The following INPP5A variants were observed in gnomAD, a reference collection of about 807,000 sequenced individuals.
INPP5A encodes inositol polyphosphate-5-phosphatase A.
INPP5A carries 14 observed loss-of-function variants against 65.2 expected under a neutral mutation model. The ratio of observed to expected loss-of-function variants is 0.21; its 90% CI spans 0.14 to 0.34. The LOEUF is 0.34. Among genes scored for constraint, INPP5A ranks in the 10% least tolerant of loss-of-function variants. The probability of loss-of-function intolerance (pLI) is 1.00; values close to 1 mark genes in which losing one functional copy is unlikely to be tolerated. For synonymous variants in INPP5A, 207 were observed against 208.3 expected (o/e 0.99, Z 0.05); for missense variants, 431 against 545.6 (o/e 0.79, Z 2.09).
intron 1 of INPP5A, among the ~76,000 whole-genome samples, chr10:132,604,494 C>G (rs1172052460): frequency 6.6e-6 from 1 of 152,226 alleles, no homozygotes; most frequent in Non-Finnish European, 1.5e-5. Context: ...CTCTTCCCCC[C>G]GTTTGTTATT....
At chr10:132,568,753 G>T (rs796250871) in intron 1 of INPP5A, among the ~76,000 whole-genome samples, 3 of 150,750 alleles carry the variant, frequency 2.0e-5, no homozygotes, top group African/African-American at 7.4e-5. Context: ...GTGAAACTCT[G>T]TCTCAAACAA....
At chr10:132,605,045 A>G (rs913988731) in intron 1 of INPP5A, among the ~76,000 whole-genome samples, 3 of 151,776 alleles carry the variant, frequency 2.0e-5, no homozygotes, top group Admixed American at 2.0e-4. Context: ...TCTGAGAATC[A>G]CCCTGGCTGC....
Position 132,546,127 on chromosome 10 carries a change from T to C in INPP5A, c.75+7956T>C, listed in dbSNP as rs370720732. The stretch of plus-strand genomic sequence containing the variant: ...TTGGCCGTGTCACGCCATGTGCTCA[T>C]GTGACCGAGGACGCTTCCGAGGATG... On this transcript the variant is annotated intron_variant, in intron 1 of 15. Coordinates refer to ENST00000368594, the MANE Select transcript of INPP5A (RefSeq NM_005539.5). The surrounding 1 kb of genome is among the most constrained non-coding windows in gnomAD (Gnocchi z 5.7). Among the ~76,000 whole-genome samples, 96 of 152,312 alleles carry C rather than the reference T, an allele frequency of 6.3e-4. No homozygotes were observed. Among genetic ancestry groups the C allele is most frequent in the African/African-American group, 2.1e-3 (88 of 41,570 alleles).
intron 11 of INPP5A, among the ~76,000 whole-genome samples, chr10:132,750,962 G>T (rs1024376644): frequency 6.6e-6 from 1 of 152,216 alleles, no homozygotes; most frequent in Non-Finnish European, 1.5e-5. Context: ...GTTTCCCCTC[G>T]TGGGGTTTGG....
intron 8 of INPP5A, among the ~76,000 whole-genome samples, chr10:132,712,855 G>C (rs2134539129): frequency 6.7e-6 from 1 of 149,538 alleles, no homozygotes; most frequent in South Asian, 2.1e-4. Flanking sequence ...GGCTTGTGTG[G>C]GGGTACGTGT....
rs760075203 is a variant in INPP5A, at chr10:132,645,984, G to T, written c.218+16G>T. 1.3e-6 allele frequency: 2 copies of T among 1,572,356 alleles called. No individual in the cohort carries two copies. Among genetic ancestry groups the T allele is most frequent in the South Asian group, 2.2e-5 (2 of 89,694 alleles). On this transcript the variant is annotated intron_variant, in intron 3 of 15. Transcript: ENST00000368594. ...AGTTCGTCAAGTAAGTCTAGGGGCA[G>T]GTGCTGGTGCATGTCCACTTCCCAG...
chr10:132,611,800 G>T (rs2071956418), intron 2 of INPP5A, among the ~76,000 whole-genome samples: 2 of 147,166 alleles, frequency 1.4e-5, no homozygotes, highest in South Asian at 4.5e-4. Flanking sequence ...CAGGGGAAAG[G>T]CTCCATCAGA....
At chr10:132,766,122 G>T (rs1846839790) in intron 12 of INPP5A, among the ~76,000 whole-genome samples, 1 of 150,496 alleles carries the variant, frequency 6.6e-6, no homozygotes, top group Non-Finnish European at 1.5e-5. Context: ...GTGTGCACCT[G>T]TGCATCTGTG....
chr10:132,688,644 A>T (rs1260492083), intron 4 of INPP5A, among the ~76,000 whole-genome samples: 2 of 150,616 alleles, frequency 1.3e-5, no homozygotes, highest in Non-Finnish European at 3.0e-5. Context: ...CGTGTGCATG[A>T]GTGTGTGTGC....
chr10:132,618,807 G>A (rs1457068158), intron 2 of INPP5A, among the ~76,000 whole-genome samples: 1 of 152,178 alleles, frequency 6.6e-6, no homozygotes, highest in Non-Finnish European at 1.5e-5. Flanking sequence ...GAGTGGGGAT[G>A]AAGTGCACAC....
intron 12 of INPP5A, among the ~76,000 whole-genome samples, chr10:132,776,122 C>T (rs1847059352): frequency 6.6e-6 from 1 of 152,186 alleles, no homozygotes; most frequent in Non-Finnish European, 1.5e-5. Context: ...CCCAGCCTCT[C>T]AAACATGTGA....
chr10:132,738,641 G>A (rs566535474), intron 9 of INPP5A, among the ~76,000 whole-genome samples: 32 of 152,386 alleles, frequency 2.1e-4, no homozygotes, highest in African/African-American at 6.5e-4. Context: ...GAGAGCAAGT[G>A]GGCGCCACTC....
At position 132,569,000 on chromosome 10, in the gene INPP5A, C is replaced by G. The variant is rs2071306150; in HGVS notation, c.75+30829C>G. On this transcript the variant is annotated intron_variant, in intron 1 of 15. Transcript: ENST00000368594. ...GCACGATCTCGGCTCACCACAACCTCCGCCTCTTGGATTCGAGCGATTCTC... is the reference window on the plus strand; with the variant it reads ...GCACGATCTCGGCTCACCACAACCTGCGCCTCTTGGATTCGAGCGATTCTC... Among the ~76,000 whole-genome samples the G allele has an allele frequency of 1.3e-5, 2 of 150,896 alleles. 1 individual carries two copies. Among genetic ancestry groups the G allele is most frequent in the African/African-American group, 4.9e-5 (2 of 40,960 alleles).
intron 8 of INPP5A, among the ~76,000 whole-genome samples, chr10:132,712,276 ACACATG>A (rs762626340): frequency 2.0e-5 from 3 of 151,994 alleles, no homozygotes; most frequent in Non-Finnish European, 2.9e-5. Flanking sequence ...GTGTGTGTGC[ACACATG>A]CACATGCATG....
intron 1 of INPP5A, among the ~76,000 whole-genome samples, chr10:132,585,005 C>T (rs904593164): frequency 3.3e-5 from 5 of 152,196 alleles, no homozygotes; most frequent in African/African-American, 1.2e-4. Context: ...TTCTTGGTGA[C>T]ATGGAACAGT....
At chr10:132,581,598 G>A (rs2071484450) in intron 1 of INPP5A, among the ~76,000 whole-genome samples, 1 of 152,146 alleles carries the variant, frequency 6.6e-6, no homozygotes, top group Non-Finnish European at 1.5e-5. Flanking sequence ...TGTGCAGTGG[G>A]ACCTCACTGT....
In INPP5A at chr10:132,698,827, G is replaced by A. The variant is rs569949649; in HGVS notation, c.474+908G>A. On this transcript the variant is annotated intron_variant, in intron 6 of 15. Transcript: ENST00000368594. The surrounding 1 kb of genome is among the most constrained non-coding windows in gnomAD (Gnocchi z 5.5). ...CTGCGGTCCTGTCTCCACGAGAGCT[G>A]TGCAGGCTGAGGCTGCTACGGAGCT... Among the ~76,000 whole-genome samples the A allele has an allele frequency of 4.1e-4, 62 of 152,354 alleles. 1 individual carries two copies. The highest frequency in any genetic ancestry group is 2.3e-3 in the East Asian group (12 of 5,182).
At chr10:132,730,899 G>A (rs1338863108) in intron 9 of INPP5A, among the ~76,000 whole-genome samples, 2 of 152,178 alleles carry the variant, frequency 1.3e-5, no homozygotes, top group Non-Finnish European at 1.5e-5. Context: ...ATTCAGATCT[G>A]ATAATTCAGA....
rs1043801783 is a variant in INPP5A, at chr10:132,644,475, C to T, written c.118-1393C>T. 6.6e-6 allele frequency among the ~76,000 whole-genome samples: 1 copy of T among 152,256 alleles called. No homozygotes were observed. Among genetic ancestry groups the T allele is most frequent in the Non-Finnish European group, 1.5e-5 (1 of 68,048 alleles). On this transcript the variant is annotated intron_variant, in intron 2 of 15. Coordinates refer to ENST00000368594, the MANE Select transcript of INPP5A (RefSeq NM_005539.5). The surrounding 1 kb of genome is among the most constrained non-coding windows in gnomAD (Gnocchi z 6.5). ...CCCAGCCTGAGCCCGTCGTCCCTTGCTGGCTGCCCACTTGCTCAGCTGCGC... is the reference window on the plus strand; with the variant it reads ...CCCAGCCTGAGCCCGTCGTCCCTTGTTGGCTGCCCACTTGCTCAGCTGCGC...
Sources: allele counts gnomAD v4.1 joint callset (sites outside exome capture counted in the v4.1 genomes callset), GRCh38; gene constraint gnomAD v4.1.1; non-coding constraint Gnocchi (gnomAD v3.1); transcripts MANE v1.5; gene names NCBI Gene and HGNC (gene_info 2026-07-23, HGNC 2026-07-21).